The following PHF10 variants were observed in gnomAD, a reference collection of about 807,000 sequenced individuals.
PHF10 encodes the protein BRG1-associated factor 45a.
PHF10 carries 51 observed loss-of-function variants against 68.5 expected under a neutral mutation model. The observed-to-expected ratio is 0.74, with a 90% CI of 0.59 to 0.94. The LOEUF (loss-of-function observed/expected upper bound fraction) is 0.94. Among genes scored for constraint, PHF10 ranks in the 40% least tolerant of loss-of-function variants. The probability of loss-of-function intolerance (pLI) is 0.00; values close to 1 mark genes in which losing one functional copy is unlikely to be tolerated. For synonymous variants in PHF10, 204 were observed against 203.5 expected (o/e 1.00, Z -0.02); for missense variants, 460 against 602.6 (o/e 0.76, Z 2.48).
In PHF10 at chr6:169,705,183, C is replaced by T; in HGVS notation, c.1361G>A (p.Cys454Tyr). Residue 454 changes from cysteine (C) to tyrosine (Y), a missense_variant, in exon 11 of 12, where the codon TGT (cysteine) becomes TAT (tyrosine). Coordinates refer to ENST00000339209, the MANE Select transcript of PHF10 (RefSeq NM_018288.4). ...HEEEMMFCDM[C>Y]DRGYHTFCVG... is the part of the protein sequence containing the mutation. ...ACAAAAAGTATGATAACCTCTGTCA[C>T]ACATATCACAGAACATCATTTCTTC... is the stretch of plus-strand genomic sequence containing the variant. The T allele has an allele frequency of 1.2e-6, 2 of 1,613,416 alleles. No individual in the cohort carries two copies. The highest frequency in any genetic ancestry group is 1.7e-6 in the Non-Finnish European group (2 of 1,179,610).
chr6:169,717,521 T>C (rs1321185794), intron 4 of PHF10, among the ~76,000 whole-genome samples: 1 of 152,212 alleles, frequency 6.6e-6, no homozygotes, highest in Non-Finnish European at 1.5e-5. Context: ...TTGTTACATA[T>C]TATACTGCAA....
chr6:169,722,676 C>G (rs1330579518), intron 1 of PHF10, among the ~76,000 whole-genome samples: 1 of 152,128 alleles, frequency 6.6e-6, no homozygotes, highest in Non-Finnish European at 1.5e-5. Flanking sequence ...CAATACATGA[C>G]GGAATAAGGT....
In PHF10 at chr6:169,723,833, C is replaced by T; in HGVS notation, c.87+12G>A. On this transcript the variant is annotated intron_variant, in intron 1 of 11. Coordinates refer to ENST00000339209, the MANE Select transcript of PHF10 (RefSeq NM_018288.4). The stretch of plus-strand genomic sequence containing the variant: ...CGGGGTCAGGGTCGGGTCGCACCGG[C>T]CGCTTCCTCACCTTCGGGGACTGCG... The T allele has an allele frequency of 5.9e-6, 6 of 1,010,508 alleles. No homozygotes were observed. The highest frequency in any genetic ancestry group is 4.1e-4 in the Middle Eastern group (1 of 2,434). The allele number at this position is 1,010,508 out of a possible 1,614,324, so 62.6% of individuals were successfully genotyped here.
At chr6:169,723,663 G>A (rs911071609) in intron 1 of PHF10, among the ~76,000 whole-genome samples, 182 bp downstream of exon 1, 5 of 151,566 alleles carry the variant, frequency 3.3e-5, no homozygotes, top group Non-Finnish European at 5.9e-5. Flanking sequence ...CTTGTTGCTC[G>A]CTAGAGGCCG....
In PHF10 at chr6:169,721,661, A is replaced by C. The variant is rs1297333287; in HGVS notation, c.88-550T>G. On this transcript the variant is annotated intron_variant, in intron 1 of 11. Transcript: ENST00000339209. ...CACACACACCAAAAAAAGAAGCTTG[A>C]GAGGGGGAGGGGAATTTTTTTTTTA... Among the ~76,000 whole-genome samples the C allele has an allele frequency of 2.6e-5, 4 of 151,254 alleles. No homozygotes were observed. In the East Asian group the frequency reaches 5.9e-4, roughly 22 times the overall value.
chr6:169,717,081 G>A (rs960846146), intron 4 of PHF10, among the ~76,000 whole-genome samples: 9 of 152,016 alleles, frequency 5.9e-5, no homozygotes, highest in East Asian at 1.9e-4. Flanking sequence ...GTAAAACCCC[G>A]TCTCTAATAA....
Position 169,704,006 on chromosome 6 carries a change from T to C in PHF10, c.1494A>G (p.Gly498=), listed in dbSNP as rs201833587. 2.0e-4 allele frequency: 312 copies of C among 1,599,334 alleles called. No homozygotes were observed. Among genetic ancestry groups the C allele is most frequent in the Admixed American group, 1.8e-5 (1 of 56,716 alleles). ...AGTATTAGAGTCAAAAACTATTTTA[T>C]CCCTCTTTGCTGTTTTTCCCCCTTC... ...VGRRGKNSKE[G] is the part of the protein sequence containing the mutation. Residue 498 remains glycine, a synonymous_variant, in exon 12 of 12, where the codon GGA becomes GGG. Transcript: ENST00000339209.
chr6:169,712,497 G>A lies in PHF10; in HGVS notation c.846C>T (p.Ala282=). 3.7e-6 allele frequency: 6 copies of A among 1,613,746 alleles called. No individual in the cohort carries two copies. The highest frequency in any genetic ancestry group is 5.1e-6 in the Non-Finnish European group (6 of 1,179,704). Residue 282 remains alanine (A), a synonymous_variant, in exon 8 of 12, where the codon GCC becomes GCT. Transcript: ENST00000339209. The stretch of plus-strand genomic sequence containing the variant: ...CAGGATCCAGAGGGGGCTCATACAG[G>A]GCTGTGTTTAATGGCAGATACCGCA... ...DELRYLPLNT[A]LYEPPLDPEL... is the part of the protein sequence containing the mutation.
At position 169,705,648 on chromosome 6, in the gene PHF10, G is replaced by A. The variant is rs1212315191; in HGVS notation, c.1190C>T (p.Ser397Leu). The A allele has an allele frequency of 4.5e-6, 7 of 1,551,648 alleles. No individual in the cohort carries two copies. The highest frequency in any genetic ancestry group is 6.2e-6 in the Non-Finnish European group (7 of 1,123,430). Reference protein sequence around the residue: ...KESNKKGKAESLIHCSQCENS... With the variant: ...KESNKKGKAELLIHCSQCENS... ...CTCACATTGGGAGCAGTGTATAAGT[G>A]ATTCAGCCTTTCCTTTCTTGTTGGA... The change falls in exon 10 of 12, where the codon TCA becomes TTA. Residue 397 changes from serine (S) to leucine (L), a missense_variant. Ser to Leu is a moderately radical substitution (Grantham distance 145). Transcript: ENST00000339209.
At chr6:169,709,420 C>A (rs752382871) in intron 9 of PHF10, 1 of 152,116 alleles carries the variant, frequency 6.6e-6, no homozygotes, top group Non-Finnish European at 1.5e-5. Flanking sequence ...TTACTACCAC[C>A]ATCCCAAATA....
In PHF10 at chr6:169,705,252, A is replaced by G; in HGVS notation, c.1292T>C (p.Met431Thr). The G allele has an allele frequency of 6.2e-7, 1 of 1,613,400 alleles. No individual in the cohort carries two copies. Residue 431 changes from methionine to threonine, a missense_variant, in exon 11 of 12, where the codon ATG becomes ACG. Around this residue, in one of 3 missense-constraint regions of PHF10, gnomAD observed 111 missense variants for 109.7 expected, o/e 1.01. Transcript: ENST00000339209. ...ACATATAATGCATGTTTTACATTCC[A>G]TACACTGCCATGGGTAGGTCTTAAT... ...SMIKTYPWQCMECKTCIICGQ... is the reference protein window; with the variant it reads ...SMIKTYPWQCTECKTCIICGQ...
At chr6:169,704,982 T>A (rs1034225369) in intron 11 of PHF10, 151 bp downstream of exon 11, 2 of 490,792 alleles carry the variant, frequency 4.1e-6, no homozygotes, top group Non-Finnish European at 7.2e-6. Flanking sequence ...GAAAAGCTGG[T>A]GGACATGACC....
intron 8 of PHF10, 130 bp from the exon 9 acceptor site, chr6:169,710,521 C>G: frequency 1.4e-6 from 1 of 715,636 alleles, no homozygotes; most frequent in Non-Finnish European, 2.3e-6. Flanking sequence ...AAAGATCATT[C>G]TAAATGTAAG....
intron 2 of PHF10, among the ~76,000 whole-genome samples, chr6:169,720,664 G>T (rs560965751): frequency 1.2e-4 from 18 of 152,012 alleles, no homozygotes; most frequent in African/African-American, 4.3e-4. Flanking sequence ...AGAAAGGGAG[G>T]TTATTGCTTA....
chr6:169,712,758 G>A (rs1788954299), intron 7 of PHF10, among the ~76,000 whole-genome samples: 2 of 152,076 alleles, frequency 1.3e-5, no homozygotes, highest in Non-Finnish European at 2.9e-5. Context: ...TTCTTACTAA[G>A]AGATAATGTG....
At chr6:169,710,206 G>C in intron 9 of PHF10, 30 bp downstream of exon 9, 1 of 1,541,272 alleles carries the variant, frequency 6.5e-7, no homozygotes, top group Non-Finnish European at 8.8e-7. Flanking sequence ...GGTCAGTAAA[G>C]AAGCTGAGTC....
At chr6:169,709,004 C>T (rs1342179801) in intron 9 of PHF10, 1 of 152,002 alleles carries the variant, frequency 6.6e-6, no homozygotes, top group Non-Finnish European at 1.5e-5. Flanking sequence ...ATAGCTGCAG[C>T]CTATTGCAGC....
chr6:169,719,781 A>G lies in PHF10; in HGVS notation c.195-863T>C, dbSNP rs542563958. 5.9e-5 allele frequency among the ~76,000 whole-genome samples: 9 copies of G among 152,272 alleles called. No homozygotes were observed. The South Asian group carries it at 1.9e-3, about 32-fold the overall frequency. ...CTTGGATTTGAAGGTAGATTCTTAC[A>G]TATGACACCAAAAGCACAAGCAACA... On this transcript the variant is annotated intron_variant, in intron 2 of 11. Transcript: ENST00000339209.
chr6:169,709,618 C>T (rs1212519958), intron 9 of PHF10: 1 of 152,114 alleles, frequency 6.6e-6, no homozygotes, highest in Non-Finnish European at 1.5e-5. Context: ...ATCAGATCAA[C>T]AAGTTAACAA....
Sources: allele counts gnomAD v4.1 joint callset (sites outside exome capture counted in the v4.1 genomes callset), GRCh38; gene constraint gnomAD v4.1.1; regional missense constraint gnomAD v4.1.1; transcripts MANE v1.5; gene names NCBI Gene and HGNC (gene_info 2026-07-23, HGNC 2026-07-21).